Variants in RPGR observed in about 807,000 individuals in gnomAD.
RPGR encodes X-linked retinitis pigmentosa GTPase regulator.
RPGR carries 10 observed loss-of-function variants against 56.3 expected under a neutral mutation model. The ratio of observed to expected loss-of-function variants is 0.18; its 90% CI spans 0.11 to 0.30. The LOEUF is 0.30. Among genes scored for constraint, RPGR ranks in the 10% least tolerant of loss-of-function variants. RPGR has a pLI of 1.00. For missense variants in RPGR, 538 were observed against 590.9 expected, an observed-to-expected ratio of 0.91 and a Z score of 0.93; for synonymous variants, 197 against 212.9, an observed-to-expected ratio of 0.93 and a Z score of 0.65.
At chrX:38,316,387 G>T (rs1443438256) in intron 6 of RPGR, among the ~76,000 whole-genome samples, 1 of 111,883 alleles carries the variant, frequency 8.9e-6, no homozygotes, top group Non-Finnish European at 1.9e-5. Context: ...GGCTAATGCA[G>T]AGTTCATTCA....
At chrX:38,271,754 T>C (rs1327481346) in intron 18 of RPGR, among the ~76,000 whole-genome samples, 1 of 112,074 alleles carries the variant, frequency 8.9e-6, no homozygotes, top group Non-Finnish European at 1.9e-5. Flanking sequence ...CAGTGAAACA[T>C]GAACTCACAA....
intron 10 of RPGR, chrX:38,298,483 AT>A (rs1245808904): frequency 3.4e-6 from 1 of 291,615 alleles, no homozygotes; most frequent in African/African-American, 2.8e-5. Context: ...ATATAAGATA[AT>A]TAAGTTCTAC....
At chrX:38,309,972 TTTTG>T (rs2067681218) in intron 7 of RPGR, among the ~76,000 whole-genome samples, 1 of 111,504 alleles carries the variant, frequency 9.0e-6, no homozygotes, top group African/African-American at 3.3e-5. Context: ...AGAATCTTTT[TTTTG>T]TTTGTTTTTC....
At chrX:38,308,307 A>G (rs761618612) in intron 7 of RPGR, 1 of 112,291 alleles carries the variant, frequency 8.9e-6, no homozygotes, top group African/African-American at 3.2e-5. Flanking sequence ...GGAGAGAGCA[A>G]TCAATTTCTG....
chrX:38,327,198 C>T, intron 1 of RPGR, 142 bp downstream of exon 1: 1 of 557,633 alleles, frequency 1.8e-6, no homozygotes, highest in Non-Finnish European at 2.8e-6. Context: ...CAGTCATTCG[C>T]GGGAGCGCAA....
At position 38,281,775 on chromosome X, in the gene RPGR, A is replaced by C. The variant is rs182883856; in HGVS notation, c.1906-5003T>G. On this transcript the variant is annotated intron_variant, in intron 15 of 18. Transcript: ENST00000642395. ...CAACCACCACCACCACCACCACCAC[A>C]ACTTTTCTAGGTGTCCACACAGCTC... 1.3e-3 allele frequency among the ~76,000 whole-genome samples: 141 copies of C among 111,831 alleles called. 1 individual carries two copies. The highest frequency in any genetic ancestry group is 1.5e-3 in the Non-Finnish European group (79 of 53,143).
At chrX:38,300,106 C>T (rs1250439408) in intron 9 of RPGR, among the ~76,000 whole-genome samples, 2 of 111,156 alleles carry the variant, frequency 1.8e-5, no homozygotes, top group East Asian at 2.8e-4. Flanking sequence ...CCTGCCACCA[C>T]GCCCAGCTAA....
Position 38,327,489 on chromosome X carries a change from GA to G in RPGR, c.-123del. 1 of 675,171 alleles carries G rather than the reference GA, an allele frequency of 1.5e-6. No individual in the cohort carries two copies. Among genetic ancestry groups the G allele is most frequent in the South Asian group, 3.2e-5 (1 of 31,472 alleles). The allele number at this position is 675,171 out of a possible 1,213,427, so 55.6% of individuals were successfully genotyped here. ...CGAAAGCCCCCAAGTTCCGCATGGC[GA>G]AACTCCGGAGATCAACTACAACCGC... On this transcript the variant is annotated 5_prime_UTR_variant, in exon 1 of 19. Transcript: ENST00000642395.
At chrX:38,300,763 G>C (rs1057101425) in intron 9 of RPGR, among the ~76,000 whole-genome samples, 1 of 111,758 alleles carries the variant, frequency 8.9e-6, no homozygotes, top group African/African-American at 3.3e-5. Flanking sequence ...TTAAACTCCC[G>C]ATCTCAGGTG....
chrX:38,273,327 A>G, intron 18 of RPGR: 1 of 963,692 alleles, frequency 1.0e-6, no homozygotes, highest in Non-Finnish European at 1.5e-6. Context: ...TTGCCATATG[A>G]AAAGTAAAAC....
intron 17 of RPGR, chrX:38,275,039 A>T (rs41305243): frequency 2.1e-6 from 2 of 968,836 alleles, no homozygotes; most frequent in South Asian, 3.9e-5. Context: ...ACACATATAT[A>T]TGTGTGTATG....
chrX:38,278,212 T>C (rs2066969505), intron 15 of RPGR, among the ~76,000 whole-genome samples: 1 of 111,976 alleles, frequency 8.9e-6, no homozygotes, highest in East Asian at 2.8e-4. Context: ...CTTTTAAGCT[T>C]TGTTTTTGTC....
intron 17 of RPGR, chrX:38,273,949 GT>G (rs901981249): frequency 1.8e-5 from 2 of 113,735 alleles, no homozygotes; most frequent in African/African-American, 6.5e-5. Flanking sequence ...TAATTTCTTT[GT>G]AGTGCTTTAG....
intron 18 of RPGR, among the ~76,000 whole-genome samples, chrX:38,271,015 T>C (rs1236391542): frequency 8.9e-6 from 1 of 111,881 alleles, no homozygotes; most frequent in Admixed American, 9.5e-5. Context: ...TCATTTGATT[T>C]AGGCCCTTTG....
intron 7 of RPGR, among the ~76,000 whole-genome samples, chrX:38,309,907 TA>T (rs1216220449): frequency 1.8e-5 from 2 of 111,994 alleles, no homozygotes; most frequent in South Asian, 3.7e-4. Flanking sequence ...TTTTTCTACT[TA>T]AAAAAAATAT....
intron 15 of RPGR, among the ~76,000 whole-genome samples, chrX:38,278,309 T>C (rs182673702): frequency 0.011 from 1,277 of 112,341 alleles, 20 homozygotes; most frequent in African/African-American, 0.039. Flanking sequence ...GGCACAATCT[T>C]GGCTCACTGC....
chrX:38,292,157 C>T (rs1462611953), intron 11 of RPGR, among the ~76,000 whole-genome samples: 1 of 111,790 alleles, frequency 8.9e-6, no homozygotes, highest in Non-Finnish European at 1.9e-5. Flanking sequence ...CAGATAACTG[C>T]AGCCCCATCT....
chrX:38,327,294 G>C lies in RPGR; in HGVS notation c.28+46C>G. 2.6e-6 allele frequency: 3 copies of C among 1,156,214 alleles called. No individual in the cohort carries two copies. The South Asian group carries it at 5.7e-5, about 22-fold the overall frequency. On this transcript the variant is annotated intron_variant, in intron 1 of 18. Coordinates refer to ENST00000642395, the MANE Select transcript of RPGR (RefSeq NM_000328.3). Reference sequence around the variant, plus strand: ...CCGGAGGCGGGGCCCGGCCGCCCGCGGACCCTCCCTCCCGGCCTTCCGCCA... The same window carrying C: ...CCGGAGGCGGGGCCCGGCCGCCCGCCGACCCTCCCTCCCGGCCTTCCGCCA...
intron 1 of RPGR, among the ~76,000 whole-genome samples, chrX:38,325,016 A>G (rs757859440): frequency 9.4e-6 from 1 of 106,497 alleles, no homozygotes; most frequent in East Asian, 3.0e-4. Flanking sequence ...CTAAAAATGC[A>G]AAAATTAGCC....
Sources: allele counts gnomAD v4.1 joint callset (sites outside exome capture counted in the v4.1 genomes callset), GRCh38; gene constraint gnomAD v4.1.1; transcripts MANE v1.5; gene names NCBI Gene and HGNC (gene_info 2026-07-23, HGNC 2026-07-21).